LAMB3: variants seen among roughly 807,000 people sequenced by gnomAD.
The protein encoded by LAMB3 is laminin subunit beta 3.
In LAMB3, 104 loss-of-function variants were observed where a neutral mutation model predicts 140.3. The observed-to-expected ratio is 0.74, with a 90% CI of 0.63 to 0.87. The LOEUF is 0.87. Among genes scored for constraint, LAMB3 ranks in the 40% least tolerant of loss-of-function variants. LAMB3 has a pLI of 0.00. For synonymous variants in LAMB3, 592 were observed against 602.9 expected (o/e 0.98, Z 0.26); for missense variants, 1,531 against 1,575.2 (o/e 0.97, Z 0.47).
At chr1:209,622,455 G>C in intron 18 of LAMB3, 81 bp downstream of exon 18, 2 of 1,533,032 alleles carry the variant, frequency 1.3e-6, no homozygotes, top group South Asian at 2.2e-5. Flanking sequence ...GGGAGGGAGG[G>C]CTGGCTGATG....
chr1:209,644,883 G>T (rs112863225), intron 3 of LAMB3, among the ~76,000 whole-genome samples: 1 of 152,186 alleles, frequency 6.6e-6, no homozygotes, highest in Non-Finnish European at 1.5e-5. Context: ...ACCCAGGCAG[G>T]GGGTAGATGG....
chr1:209,627,911 AC>A (rs1197835427), intron 11 of LAMB3, 123 bp downstream of exon 11: 2 of 1,289,796 alleles, frequency 1.6e-6, no homozygotes, highest in African/African-American at 1.5e-5. Flanking sequence ...GCCCGGGCAT[AC>A]CCCCTCTGTC....
At position 209,625,581 on chromosome 1, in the gene LAMB3, A is replaced by G. The variant is rs1178746315; in HGVS notation, c.1976+67T>C. Reference sequence around the variant, plus strand: ...CACTGTACAAATGTAAGGAAGGACCAGCATGCCCGGTACTGGAACCCCTGG... The same window carrying G: ...CACTGTACAAATGTAAGGAAGGACCGGCATGCCCGGTACTGGAACCCCTGG... On this transcript the variant is annotated intron_variant, in intron 14 of 22. Coordinates refer to ENST00000356082, the MANE Select transcript of LAMB3 (RefSeq NM_000228.3). The G allele has an allele frequency of 2.5e-6, 4 of 1,578,266 alleles. No individual in the cohort carries two copies. The African/African-American group carries it at 5.4e-5, about 21-fold the overall frequency.
chr1:209,646,206 C>T (rs1038337806), intron 3 of LAMB3, among the ~76,000 whole-genome samples: 2 of 152,164 alleles, frequency 1.3e-5, no homozygotes, highest in African/African-American at 4.8e-5. Flanking sequence ...AGCTTTCCGG[C>T]AAATCCGCTG....
chr1:209,620,603 G>C (rs138685297), intron 18 of LAMB3, among the ~76,000 whole-genome samples: 29 of 152,354 alleles, frequency 1.9e-4, no homozygotes, highest in Middle Eastern at 3.4e-3. Context: ...AGACAATTAG[G>C]CTTGAAGCCT....
Position 209,630,646 on chromosome 1 carries a change from C to A in LAMB3, c.912G>T (p.Pro304=), listed in dbSNP as rs371979667. 4 of 1,614,130 alleles carry A rather than the reference C, an allele frequency of 2.5e-6. No homozygotes were observed. The highest frequency in any genetic ancestry group is 3.4e-6 in the Non-Finnish European group (4 of 1,180,026). ...APFYNNRPWR[P]AEGQDAHECQ... is the part of the protein sequence containing the mutation. ...ATTCATGGGCGTCCTGGCCCTCCGC[C>A]GGTCTCCAGGGCCGGTTGTTGTAGA... Residue 304 remains proline (P), a synonymous_variant, in exon 9 of 23, where the codon CCG becomes CCT. Transcript: ENST00000356082.
chr1:209,634,184 G>A (rs1270930140), intron 6 of LAMB3, among the ~76,000 whole-genome samples: 2 of 152,148 alleles, frequency 1.3e-5, no homozygotes, highest in Non-Finnish European at 2.9e-5. Flanking sequence ...GAGTCACGGG[G>A]GAGGGGGCTG....
chr1:209,618,141 C>A, intron 19 of LAMB3, 93 bp from the exon 20 acceptor site: 1 of 1,498,234 alleles, frequency 6.7e-7, no homozygotes, highest in South Asian at 1.1e-5. Context: ...CAAAAGAACA[C>A]CCTTCCCAGC....
chr1:209,635,071 G>A (rs79633518), intron 5 of LAMB3, among the ~76,000 whole-genome samples: 2,582 of 152,176 alleles, frequency 0.017, 36 homozygotes, highest in Middle Eastern at 0.037. Flanking sequence ...ATCTGTGAGA[G>A]CTTCAATCAG....
At chr1:209,621,656 A>G (rs957718547) in intron 18 of LAMB3, among the ~76,000 whole-genome samples, 1 of 152,180 alleles carries the variant, frequency 6.6e-6, no homozygotes, top group African/African-American at 2.4e-5. Flanking sequence ...GTGAAATACT[A>G]CCGTCCCCAT....
At chr1:209,618,410 C>T in intron 19 of LAMB3, 42 bp downstream of exon 19, 1 of 1,599,862 alleles carries the variant, frequency 6.3e-7, no homozygotes, top group South Asian at 1.1e-5. Flanking sequence ...AAAACGCCAG[C>T]TTAATCCTGG....
Position 209,622,598 on chromosome 1 carries a change from T to A in LAMB3, c.2639A>T (p.Gln880Leu), listed in dbSNP as rs538194768. 2.2e-5 allele frequency: 35 copies of A among 1,614,116 alleles called. No homozygotes were observed. The East Asian group carries it at 7.6e-4, about 35-fold the overall frequency. Residue 880 changes from glutamine (Q) to leucine (L), a missense_variant, in exon 18 of 23, where the codon CAG becomes CTG. Coordinates refer to ENST00000356082, the MANE Select transcript of LAMB3 (RefSeq NM_000228.3). ...TGTGCGTCTGACATCTTCCTCCATC[T>A]GGGAGCGGCTGGCGCTCACCTGGGT... ...LETQVSASRS[Q>L]MEEDVRRTRL...
chr1:209,641,831 C>T (rs970949047), intron 3 of LAMB3, among the ~76,000 whole-genome samples: 3 of 152,310 alleles, frequency 2.0e-5, no homozygotes, highest in Admixed American at 1.3e-4. Context: ...CTATTTTGGT[C>T]CCTGGCAGTG....
intron 22 of LAMB3, 101 bp from the exon 23 acceptor site, chr1:209,615,508 T>C (rs1558145640): frequency 7.3e-7 from 1 of 1,365,376 alleles, no homozygotes; most frequent in Non-Finnish European, 9.8e-7. Flanking sequence ...GTAGCATGTG[T>C]AGAGGAATCC....
Position 209,623,899 on chromosome 1 carries a change from A to T in LAMB3, c.2078T>A (p.Leu693His), listed in dbSNP as rs1241841071. The stretch of plus-strand genomic sequence containing the variant: ...CTCCCTCTTCCTCTGATACATAGTA[A>T]GGAGACCATTGAAGCTTCTGTCAAG... ...ESLDRSFNGL[L>H]TMYQRKREQF... The change falls in exon 15 of 23, where the codon CTT becomes CAT. Residue 693 changes from leucine (L) to histidine (H), a missense_variant. Transcript: ENST00000356082. This position sits in a 1 kb window ranked among gnomAD's most constrained non-coding sequence, Gnocchi z 4.2. 3.1e-6 allele frequency: 5 copies of T among 1,614,044 alleles called. No homozygotes were observed. The highest frequency in any genetic ancestry group is 4.2e-6 in the Non-Finnish European group (5 of 1,180,014).
At chr1:209,630,479 T>C in intron 9 of LAMB3, 136 bp downstream of exon 9, 2 of 1,011,582 alleles carry the variant, frequency 2.0e-6, no homozygotes, top group Non-Finnish European at 3.0e-6. Context: ...AGAGCTTGAA[T>C]TGTAATGGTG....
At chr1:209,633,873 T>C (rs1418860444) in intron 6 of LAMB3, among the ~76,000 whole-genome samples, 2 of 152,128 alleles carry the variant, frequency 1.3e-5, no homozygotes, top group African/African-American at 4.8e-5. Context: ...TATGAAAGAA[T>C]TTGACCCACG....
intron 5 of LAMB3, among the ~76,000 whole-genome samples, chr1:209,637,224 A>G (rs1453249592): frequency 6.6e-6 from 1 of 152,206 alleles, no homozygotes; most frequent in Non-Finnish European, 1.5e-5. Flanking sequence ...ATTAGGTCCT[A>G]TTACTTTTTA....
chr1:209,623,998 C>G lies in LAMB3; in HGVS notation c.1979G>C (p.Arg660Pro), dbSNP rs375951428. ...ATCCAGCTGCAGGCCCTGGAGAGTT[C>G]GCCTGAGAAGGGAGAGGAGCTTACA... is the stretch of plus-strand genomic sequence containing the variant. ...QVASAILSLR[R>P]TLQGLQLDLP... Residue 660 changes from arginine (R) to proline (P), a missense_variant and splice_region_variant, in exon 15 of 23, where the codon CGA becomes CCA. Physicochemically the swap from Arg to Pro is moderately radical, Grantham distance 103. Coordinates refer to ENST00000356082, the MANE Select transcript of LAMB3 (RefSeq NM_000228.3). This position sits in a 1 kb window ranked among gnomAD's most constrained non-coding sequence, Gnocchi z 4.2. 3.7e-6 allele frequency: 6 copies of G among 1,612,610 alleles called. No individual in the cohort carries two copies. In the Admixed American group the frequency reaches 1.0e-4, roughly 27 times the overall value.
Sources: allele counts gnomAD v4.1 joint callset (sites outside exome capture counted in the v4.1 genomes callset), GRCh38; gene constraint gnomAD v4.1.1; non-coding constraint Gnocchi (gnomAD v3.1); transcripts MANE v1.5; gene names NCBI Gene and HGNC (gene_info 2026-07-23, HGNC 2026-07-21).